MAP2K6: variants seen among roughly 807,000 people sequenced by gnomAD.
The protein encoded by MAP2K6 is mitogen-activated protein kinase kinase 6, also known as dual specificity mitogen-activated protein kinase kinase 6.
Under a neutral mutation model 53.7 loss-of-function variants are expected in MAP2K6, and 16 were observed. The observed-to-expected ratio is 0.30, with a 90% CI of 0.20 to 0.45. MAP2K6 has a LOEUF of 0.45. Among genes scored for constraint, MAP2K6 ranks in the 20% least tolerant of loss-of-function variants. The pLI is 1.00. For missense variants in MAP2K6, 204 were observed against 411.9 expected, an observed-to-expected ratio of 0.50 and a Z score of 4.37; for synonymous variants, 132 against 143.1, an observed-to-expected ratio of 0.92 and a Z score of 0.55.
At position 69,545,378 on chromosome 17, in the gene MAP2K6, A is replaced by T. The variant is rs929557787; in HGVS notation, c.*3625A>T. On this transcript the variant is annotated 3_prime_UTR_variant, in exon 12 of 12. Coordinates refer to ENST00000590474, the MANE Select transcript of MAP2K6 (RefSeq NM_002758.4). ...GTGGGGGAATAATCTATTTTTTCTA[A>T]AGACTGTGTTTGGTCACACTGATTT... 1.3e-5 allele frequency: 2 copies of T among 152,194 alleles called. No homozygotes were observed. 9.4% of individuals were successfully genotyped at this position (152,194 alleles called of 1,614,324 possible). A position where few individuals can be genotyped will look rare whatever the true frequency, so the allele number is the denominator to read the frequency against.
chr17:69,503,342 A>G (rs986913086), intron 1 of MAP2K6, among the ~76,000 whole-genome samples: 3 of 152,366 alleles, frequency 2.0e-5, no homozygotes, highest in Admixed American at 2.0e-4. Context: ...TTGGATTCTC[A>G]TAACTGGGTC....
At position 69,502,500 on chromosome 17, in the gene MAP2K6, A is replaced by T. The variant is rs1489757859; in HGVS notation, c.17-3280A>T. 5 of 985,276 alleles carry T rather than the reference A, an allele frequency of 5.1e-6. No homozygotes were observed. In the East Asian group the frequency reaches 4.5e-4, roughly 89 times the overall value. The allele number at this position is 985,276 out of a possible 1,614,324, so 61.0% of individuals were successfully genotyped here. On this transcript the variant is annotated intron_variant, in intron 1 of 11. Transcript: ENST00000590474. ...AAACGTGAAGGCAGAGTATTTTCTA[A>T]CACTGTAATTCAACTAGGTTTTGTG...
chr17:69,477,760 G>C (rs371336763), intron 1 of MAP2K6, among the ~76,000 whole-genome samples: 4 of 152,116 alleles, frequency 2.6e-5, no homozygotes, highest in African/African-American at 9.7e-5. Flanking sequence ...ATATCAACTC[G>C]TTATGCAACT....
At chr17:69,503,965 C>T in intron 1 of MAP2K6, among the ~76,000 whole-genome samples, 1 of 152,240 alleles carries the variant, frequency 6.6e-6, no homozygotes, top group South Asian at 2.1e-4. Context: ...AACTCAAAAT[C>T]CCGGGTACGT....
intron 7 of MAP2K6, among the ~76,000 whole-genome samples, chr17:69,522,301 A>G (rs967805939): frequency 2.0e-5 from 3 of 152,212 alleles, no homozygotes; most frequent in Non-Finnish European, 4.4e-5. Context: ...GAAGGAATAC[A>G]GATAGGAAAA....
At chr17:69,539,542 C>G (rs183979003) in intron 11 of MAP2K6, among the ~76,000 whole-genome samples, 1 of 152,174 alleles carries the variant, frequency 6.6e-6, no homozygotes, top group African/African-American at 2.4e-5. Flanking sequence ...TTTCCCCTCC[C>G]CCTGCCCTTC....
chr17:69,505,829 A>G lies in MAP2K6; in HGVS notation c.66A>G (p.Gln22=). The stretch of plus-strand genomic sequence containing the variant: ...AAATTCCAAAAGAAGCATTTGAACA[A>G]CCTCAGACCAGTTCCACGTAAGTTG... ...GLKIPKEAFE[Q]PQTSSTPPRD... The change falls in exon 2 of 12, where the codon CAA becomes CAG. Residue 22 remains glutamine (Q), a synonymous_variant. Coordinates refer to ENST00000590474, the MANE Select transcript of MAP2K6 (RefSeq NM_002758.4). 6.2e-7 allele frequency: 1 copy of G among 1,613,746 alleles called. No individual in the cohort carries two copies. Among genetic ancestry groups the G allele is most frequent in the Non-Finnish European group, 8.5e-7 (1 of 1,179,768 alleles).
At chr17:69,476,661 C>T (rs1172466860) in intron 1 of MAP2K6, among the ~76,000 whole-genome samples, 2 of 152,168 alleles carry the variant, frequency 1.3e-5, no homozygotes, top group Non-Finnish European at 2.9e-5. Context: ...CAAACCCAAA[C>T]CTGGAGTACA....
At chr17:69,522,884 G>A (rs1475171668) in intron 7 of MAP2K6, among the ~76,000 whole-genome samples, 1 of 133,786 alleles carries the variant, frequency 7.5e-6, no homozygotes, top group Non-Finnish European at 1.6e-5. Context: ...GAGACATCCT[G>A]TCTGTCAAAA....
Position 69,450,126 on chromosome 17 carries a change from T to C in MAP2K6, c.16+35126T>C, listed in dbSNP as rs201480296. 1.3e-4 allele frequency among the ~76,000 whole-genome samples: 19 copies of C among 143,192 alleles called. No homozygotes were observed. The East Asian group carries it at 3.8e-3, about 29-fold the overall frequency. The allele number at this position is 143,192 out of a possible 152,430, so 93.9% of individuals were successfully genotyped here. ...ATTTTTTTTTTTTTTTTTTTTTTAA[T>C]AATTTTAGTACAGACGGTGTTTCAC... On this transcript the variant is annotated intron_variant, in intron 1 of 11. Coordinates refer to ENST00000590474, the MANE Select transcript of MAP2K6 (RefSeq NM_002758.4).
rs779101513 is a variant in MAP2K6 at position 69,471,314 on chromosome 17, A to G, written c.17-34466A>G. ...ACTGGATAAAGAAAATGTGGTGTAT[A>G]TATATGCCATGGAATACTATACAGC... On this transcript the variant is annotated intron_variant, in intron 1 of 11. Coordinates refer to ENST00000590474, the MANE Select transcript of MAP2K6 (RefSeq NM_002758.4). Among the ~76,000 whole-genome samples the G allele has an allele frequency of 2.0e-5, 3 of 152,192 alleles. No homozygotes were observed. In the East Asian group the frequency reaches 5.8e-4, roughly 29 times the overall value.
At chr17:69,508,354 A>C (rs1002155992) in intron 2 of MAP2K6, among the ~76,000 whole-genome samples, 1 of 152,136 alleles carries the variant, frequency 6.6e-6, no homozygotes, top group African/African-American at 2.4e-5. Flanking sequence ...GGCGTGAGCC[A>C]CTGTGCCCAG....
intron 10 of MAP2K6, among the ~76,000 whole-genome samples, chr17:69,535,184 A>G (rs1427613907): frequency 6.6e-6 from 1 of 152,192 alleles, no homozygotes; most frequent in Non-Finnish European, 1.5e-5. Context: ...ATAGCGCATG[A>G]CCATAAAGTA....
rs147848128 is a variant in MAP2K6 at position 69,548,832 on chromosome 17, A to G, written c.*7079A>G. 6 of 152,234 alleles carry G rather than the reference A, an allele frequency of 3.9e-5. No individual in the cohort carries two copies. The highest frequency in any genetic ancestry group is 1.2e-4 in the African/African-American group (5 of 41,474). 9.4% of individuals were successfully genotyped at this position (152,234 alleles called of 1,614,324 possible). On this transcript the variant is annotated 3_prime_UTR_variant, in exon 12 of 12. Transcript: ENST00000590474. ...GATTTTTCTAATGAAGTAGTTTGAA[A>G]TCAAGGCTTTAGTGGAAGGTAATCT...
chr17:69,443,282 C>T, intron 1 of MAP2K6, among the ~76,000 whole-genome samples: 1 of 152,168 alleles, frequency 6.6e-6, no homozygotes, highest in East Asian at 1.9e-4. Flanking sequence ...GTCCTGATCT[C>T]TTCCTCTGTG....
intron 2 of MAP2K6, among the ~76,000 whole-genome samples, chr17:69,513,841 A>C (rs1376361212): frequency 6.6e-6 from 1 of 152,150 alleles, no homozygotes; most frequent in Non-Finnish European, 1.5e-5. Flanking sequence ...AAAAGTCAGG[A>C]TGGTGGGTGA....
intron 1 of MAP2K6, among the ~76,000 whole-genome samples, chr17:69,439,524 G>A (rs1906752371): frequency 6.6e-6 from 1 of 152,176 alleles, no homozygotes; most frequent in South Asian, 2.1e-4. Flanking sequence ...TTTCTGGGGT[G>A]AGGGAGTTGA....
At chr17:69,417,540 G>T (rs1256563462) in intron 1 of MAP2K6, among the ~76,000 whole-genome samples, 2 of 152,224 alleles carry the variant, frequency 1.3e-5, no homozygotes, top group Non-Finnish European at 2.9e-5. Flanking sequence ...GTTTTCCACA[G>T]TTGTAACTTT....
At chr17:69,471,965 C>A (rs185274765) in intron 1 of MAP2K6, among the ~76,000 whole-genome samples, 1 of 152,132 alleles carries the variant, frequency 6.6e-6, no homozygotes, top group African/African-American at 2.4e-5. Flanking sequence ...ATCTTCCCCG[C>A]GGGGATGTCC....
Sources: allele counts gnomAD v4.1 joint callset (sites outside exome capture counted in the v4.1 genomes callset), GRCh38; gene constraint gnomAD v4.1.1; transcripts MANE v1.5; gene names NCBI Gene and HGNC (gene_info 2026-07-23, HGNC 2026-07-21).